The following FGGY variants were observed in gnomAD, a reference collection of about 807,000 sequenced individuals.
FGGY encodes the protein FGGY carbohydrate kinase domain containing.
FGGY carries 72 observed loss-of-function variants against 71.3 expected under a neutral mutation model. The observed-to-expected ratio is 1.01, with a 90% CI of 0.84 to 1.23. FGGY has a LOEUF of 1.23. FGGY is among the 50% of genes most tolerant of loss of function. The pLI, the probability that FGGY is intolerant of heterozygous loss-of-function variation, is 0.00. For missense variants in FGGY, 668 were observed against 682.3 expected (o/e 0.98, Z 0.23); for synonymous variants, 251 against 250.3 (o/e 1.00, Z -0.02).
At chr1:59,521,080 G>A (rs747486604) in intron 7 of FGGY, among the ~76,000 whole-genome samples, 4 of 152,110 alleles carry the variant, frequency 2.6e-5, no homozygotes, top group Non-Finnish European at 4.4e-5. Flanking sequence ...CGTGGAATCT[G>A]GAAGGAGAAA....
chr1:59,570,313 A>G (rs1440890240), intron 8 of FGGY, among the ~76,000 whole-genome samples: 1 of 152,238 alleles, frequency 6.6e-6, no homozygotes, highest in East Asian at 1.9e-4. Context: ...CACCTTGTAC[A>G]TAGACAGTAC....
At chr1:59,627,489 T>TATATATATAC (rs1469493501) in intron 10 of FGGY, among the ~76,000 whole-genome samples, 48 of 92,768 alleles carry the variant, frequency 5.2e-4, no homozygotes, top group African/African-American at 1.3e-3. Context: ...TATATATATA[T>TATATATATAC]ACACACACAC....
At chr1:59,296,502 A>G (rs2041981670), upstream of FGGY, 1 of 152,420 alleles carries the variant, frequency 6.6e-6, no homozygotes, top group African/African-American at 2.4e-5. Context: ...GAGCAGACGC[A>G]GCGTAGCCGA....
At chr1:59,549,400 A>C (rs1182787000) in intron 7 of FGGY, among the ~76,000 whole-genome samples, 3 of 152,230 alleles carry the variant, frequency 2.0e-5, no homozygotes, top group South Asian at 2.1e-4. Context: ...ATTAAAAGAG[A>C]ATCTTTTTCA....
chr1:59,608,602 G>A (rs1394092206), intron 9 of FGGY, among the ~76,000 whole-genome samples: 1 of 152,186 alleles, frequency 6.6e-6, no homozygotes, highest in Non-Finnish European at 1.5e-5. Context: ...TGAGGCTGGG[G>A]CGGGCAGACC....
At chr1:59,474,830 G>C (rs1023895531) in intron 6 of FGGY, among the ~76,000 whole-genome samples, 8 of 152,198 alleles carry the variant, frequency 5.3e-5, no homozygotes, top group African/African-American at 1.9e-4. Context: ...AGATGGACTT[G>C]ACTTCAATTC....
At chr1:59,350,605 G>A (rs973001904) in intron 4 of FGGY, among the ~76,000 whole-genome samples, 2 of 152,100 alleles carry the variant, frequency 1.3e-5, no homozygotes, top group Non-Finnish European at 2.9e-5. Flanking sequence ...GTCTGAGTTC[G>A]GCTTATTAAG....
chr1:59,345,362 C>T (rs986290743), intron 3 of FGGY, among the ~76,000 whole-genome samples: 2 of 152,104 alleles, frequency 1.3e-5, no homozygotes. Context: ...CATCAGAGGG[C>T]TGTTAAAGGA....
intron 4 of FGGY, among the ~76,000 whole-genome samples, chr1:59,360,293 A>G (rs2055224723): frequency 6.6e-6 from 1 of 152,136 alleles, no homozygotes; most frequent in Non-Finnish European, 1.5e-5. Context: ...AGATGAGAAG[A>G]GAACCAGGGA....
At chr1:59,557,854 G>C (rs1024384653) in intron 8 of FGGY, among the ~76,000 whole-genome samples, 2 of 152,146 alleles carry the variant, frequency 1.3e-5, no homozygotes, top group Non-Finnish European at 2.9e-5. Flanking sequence ...CAGGACCCTG[G>C]GGGGGTCGGG....
rs184801948 is a variant in FGGY, at chr1:59,470,232, G to A, written c.670+13156G>A. Among the ~76,000 whole-genome samples the A allele has an allele frequency of 4.1e-3, 622 of 152,242 alleles. 4 individuals carry two copies. The highest frequency in any genetic ancestry group is 0.014 in the African/African-American group (568 of 41,540). On this transcript the variant is annotated intron_variant, in intron 6 of 15. Coordinates refer to ENST00000303721, the MANE Select transcript of FGGY (RefSeq NM_018291.5). ...CTCCCACCAACAGTGTATCAACAGC[G>A]TTTAAGTATTCCCTTTTCTTCACAA... is the stretch of plus-strand genomic sequence containing the variant.
In FGGY at chr1:59,724,483, C is replaced by CAA. The variant is rs1247971467; in HGVS notation, c.1513-33434_1513-33433dup. Among the ~76,000 whole-genome samples, 439 of 134,786 alleles carry CAA rather than the reference C, an allele frequency of 3.3e-3. 2 individuals carry two copies. Among genetic ancestry groups the CAA allele is most frequent in the African/African-American group, 0.012 (423 of 36,730 alleles). 88.4% of individuals were successfully genotyped at this position (134,786 alleles called of 152,430 possible). ...TGGGCAACAGAGCGAGACTCCATCTCAAAAAAAAAAAAAAATTCCCCTGTG... is the reference window on the plus strand; with the variant it reads ...TGGGCAACAGAGCGAGACTCCATCTCAAAAAAAAAAAAAAAAATTCCCCTGTG... On this transcript the variant is annotated intron_variant, in intron 14 of 15. Coordinates refer to ENST00000303721, the MANE Select transcript of FGGY (RefSeq NM_018291.5).
chr1:59,481,425 G>A (rs1309812366), intron 6 of FGGY, among the ~76,000 whole-genome samples: 2 of 152,130 alleles, frequency 1.3e-5, no homozygotes, highest in Admixed American at 1.3e-4. Context: ...GTGGTCCTTT[G>A]TGGCCCTGTG....
chr1:59,449,105 G>A (rs2072019249), intron 5 of FGGY, among the ~76,000 whole-genome samples: 1 of 152,154 alleles, frequency 6.6e-6, no homozygotes, highest in Non-Finnish European at 1.5e-5. Flanking sequence ...TCTAATTTTA[G>A]CTGAGTTCGA....
chr1:59,640,240 G>C (rs1372241096), intron 11 of FGGY, among the ~76,000 whole-genome samples: 1 of 152,144 alleles, frequency 6.6e-6, no homozygotes, highest in African/African-American at 2.4e-5. Flanking sequence ...GGAAGGAGAA[G>C]ATGACCTAAA....
chr1:59,730,565 G>A (rs1436194096), intron 14 of FGGY, among the ~76,000 whole-genome samples: 1 of 152,164 alleles, frequency 6.6e-6, no homozygotes, highest in Non-Finnish European at 1.5e-5. Context: ...CAGTCATTGA[G>A]CATATTGTTA....
chr1:59,563,428 C>T (rs1310533135), intron 8 of FGGY, among the ~76,000 whole-genome samples: 2 of 152,116 alleles, frequency 1.3e-5, no homozygotes, highest in East Asian at 1.9e-4. Flanking sequence ...CATGAGTGAA[C>T]TCCCATTCAC....
At chr1:59,701,825 A>G (rs1351187278) in intron 14 of FGGY, among the ~76,000 whole-genome samples, 1 of 152,186 alleles carries the variant, frequency 6.6e-6, no homozygotes, top group Non-Finnish European at 1.5e-5. Context: ...GGTGAACTCA[A>G]CTGTGTACTG....
chr1:59,359,469 G>C (rs1358024603), intron 4 of FGGY, among the ~76,000 whole-genome samples: 1 of 152,132 alleles, frequency 6.6e-6, no homozygotes, highest in Non-Finnish European at 1.5e-5. Flanking sequence ...GCACATTATA[G>C]TTACCTCTCC....
Sources: gnomAD v4.1 joint callset for allele counts (sites outside exome capture counted in the v4.1 genomes callset) on GRCh38, gnomAD v4.1.1 for gene constraint, MANE v1.5 for transcripts, NCBI Gene and HGNC (gene_info 2026-07-23, HGNC 2026-07-21) for gene names.